The following NME7 variants were observed in gnomAD, a reference collection of about 807,000 sequenced individuals.
The protein encoded by NME7 is nucleoside diphosphate kinase 7.
Under a neutral mutation model 49.1 loss-of-function variants are expected in NME7, and 41 were observed. That is an observed-to-expected ratio of 0.83 (90% CI 0.65 to 1.08). NME7 has a LOEUF of 1.08. Among genes scored for constraint, NME7 ranks in the 50% least tolerant of loss-of-function variants. The pLI, the probability that NME7 is intolerant of heterozygous loss-of-function variation, is 0.00. For synonymous variants in NME7, 139 were observed against 150.6 expected (o/e 0.92, Z 0.56); for missense variants, 423 against 463.4 (o/e 0.91, Z 0.80).
chr1:169,147,962 T>C (rs1030575097), intron 11 of NME7, among the ~76,000 whole-genome samples: 3 of 152,020 alleles, frequency 2.0e-5, no homozygotes, highest in Admixed American at 6.6e-5. Flanking sequence ...TTGAAAGAAA[T>C]AATTTCAATT....
intron 1 of NME7, among the ~76,000 whole-genome samples, chr1:169,332,154 G>C (rs569326335): frequency 3.9e-5 from 6 of 152,034 alleles, no homozygotes; most frequent in African/African-American, 1.4e-4. Context: ...AGAGAACCCA[G>C]AAAAAATCCA....
At chr1:169,262,705 A>AG (rs1649202295) in intron 7 of NME7, among the ~76,000 whole-genome samples, 1 of 133,600 alleles carries the variant, frequency 7.5e-6, no homozygotes, top group Admixed American at 7.3e-5. Context: ...GACAGCCCCC[A>AG]GGGGGACTCA....
chr1:169,182,619 C>G (rs970510827), intron 10 of NME7, among the ~76,000 whole-genome samples: 1 of 152,220 alleles, frequency 6.6e-6, no homozygotes, highest in Non-Finnish European at 1.5e-5. Flanking sequence ...GGTCTGCTAA[C>G]AGGCTGCATT....
At chr1:169,150,649 A>T (rs1280110214) in intron 11 of NME7, among the ~76,000 whole-genome samples, 1 of 152,122 alleles carries the variant, frequency 6.6e-6, no homozygotes, top group East Asian at 1.9e-4. Flanking sequence ...TCTATTAACC[A>T]GCTAACTTTT....
chr1:169,222,007 TC>T (rs1460082213), intron 10 of NME7, among the ~76,000 whole-genome samples: 1 of 152,020 alleles, frequency 6.6e-6, no homozygotes, highest in Non-Finnish European at 1.5e-5. Flanking sequence ...CAAACAATCC[TC>T]CCACCTCAAC....
intron 10 of NME7, among the ~76,000 whole-genome samples, chr1:169,176,338 T>C (rs950512683): frequency 6.6e-6 from 1 of 152,146 alleles, no homozygotes. Context: ...TATATAATAC[T>C]AATCTCATTG....
intron 7 of NME7, among the ~76,000 whole-genome samples, chr1:169,269,421 A>C (rs74121604): frequency 0.026 from 3,491 of 134,284 alleles, 504 homozygotes; most frequent in African/African-American, 0.084. Flanking sequence ...ATTTTTGTTA[A>C]AACTGAGTTA....
chr1:169,169,140 C>A, intron 11 of NME7: 2 of 401,022 alleles, frequency 5.0e-6, no homozygotes, highest in South Asian at 2.1e-5. Context: ...AGTTGCAGTC[C>A]AAAATCATCA....
intron 3 of NME7, among the ~76,000 whole-genome samples, chr1:169,318,488 T>C (rs10919136): frequency 0.17 from 26,111 of 152,140 alleles, 2,465 homozygotes; most frequent in East Asian, 0.23. Flanking sequence ...ATAAAATACA[T>C]ATGGAACTCA....
chr1:169,170,399 C>T (rs994887094), intron 10 of NME7, among the ~76,000 whole-genome samples: 1 of 152,192 alleles, frequency 6.6e-6, no homozygotes, highest in Admixed American at 6.5e-5. Flanking sequence ...GCAGCACTCA[C>T]ATTTGTGGTT....
chr1:169,278,705 A>T (rs1273551780), intron 7 of NME7, among the ~76,000 whole-genome samples: 1 of 152,160 alleles, frequency 6.6e-6, no homozygotes, highest in Non-Finnish European at 1.5e-5. Context: ...TTCTCCATCC[A>T]GCTTTGTTCC....
Position 169,261,705 on chromosome 1 carries a change from C to A in NME7, c.755-24018G>T, listed in dbSNP as rs1279053947. On this transcript the variant is annotated intron_variant, in intron 7 of 11. Coordinates refer to ENST00000367811, the MANE Select transcript of NME7 (RefSeq NM_013330.5). ...AAGGAAATGCAAGATGGTCCCTGCC[C>A]AGAATTTCTCATAAGTGGCTCTTGT... is the stretch of plus-strand genomic sequence containing the variant. Among the ~76,000 whole-genome samples the A allele has an allele frequency of 1.5e-5, 2 of 133,668 alleles. 1 individual carries two copies. The highest frequency in any genetic ancestry group is 3.5e-5 in the Non-Finnish European group (2 of 56,922). 87.7% of individuals were successfully genotyped at this position (133,668 alleles called of 152,430 possible).
rs767982223 is a variant in NME7, at chr1:169,298,543, T to A, written c.648+13A>T. The A allele has an allele frequency of 5.6e-6, 9 of 1,609,434 alleles. No individual in the cohort carries two copies. The highest frequency in any genetic ancestry group is 6.8e-6 in the Non-Finnish European group (8 of 1,178,422). ...AACTAGAAGAGCATTAAAATATTTTTAAAACACCTTACTCTGGCCGCAGAA... is the reference window on the plus strand; with the variant it reads ...AACTAGAAGAGCATTAAAATATTTTAAAAACACCTTACTCTGGCCGCAGAA... On this transcript the variant is annotated intron_variant, in intron 6 of 11. Coordinates refer to ENST00000367811, the MANE Select transcript of NME7 (RefSeq NM_013330.5).
At chr1:169,244,097 T>C (rs902103878) in intron 7 of NME7, among the ~76,000 whole-genome samples, 2 of 152,124 alleles carry the variant, frequency 1.3e-5, no homozygotes, top group Non-Finnish European at 2.9e-5. Context: ...GAAACATCTG[T>C]TTGATCTTCT....
rs1488246147 is a variant in NME7, at chr1:169,277,815, C to T, written c.754+9488G>A. 6.9e-3 allele frequency among the ~76,000 whole-genome samples: 905 copies of T among 131,392 alleles called. 14 individuals carry two copies. The highest frequency in any genetic ancestry group is 0.018 in the Middle Eastern group (5 of 272). The allele number at this position is 131,392 out of a possible 152,430, so 86.2% of individuals were successfully genotyped here. A position where few individuals can be genotyped will look rare whatever the true frequency, so the allele number is the denominator to read the frequency against. ...TTTACATTTTGGCATGATTTTGCAG[C>T]GGCTGGTACCAGTTGTTCCTTTCCA... On this transcript the variant is annotated intron_variant, in intron 7 of 11. Coordinates refer to ENST00000367811, the MANE Select transcript of NME7 (RefSeq NM_013330.5).
intron 7 of NME7, among the ~76,000 whole-genome samples, chr1:169,244,684 ATTC>A (rs1410755014): frequency 6.6e-6 from 1 of 151,816 alleles, no homozygotes; most frequent in Non-Finnish European, 1.5e-5. Flanking sequence ...GATGCATAGT[ATTC>A]TTCAAAATTC....
At position 169,266,678 on chromosome 1, in the gene NME7, C is replaced by G. The variant is rs571838030; in HGVS notation, c.754+20625G>C. Among the ~76,000 whole-genome samples, 10 of 133,652 alleles carry G rather than the reference C, an allele frequency of 7.5e-5. 3 individuals are homozygous for G. The South Asian group carries it at 2.3e-3, about 31-fold the overall frequency. The allele number at this position is 133,652 out of a possible 152,430, so 87.7% of individuals were successfully genotyped here. On this transcript the variant is annotated intron_variant, in intron 7 of 11. Coordinates refer to ENST00000367811, the MANE Select transcript of NME7 (RefSeq NM_013330.5). ...TCAACCTATCCCTGTTTGAAGATGA[C>G]ATGATTCTATATCTAAAAAACCTCA...
At position 169,338,383 on chromosome 1, in the gene NME7, A is replaced by T. The variant is rs1018371296; in HGVS notation, c.4-13883T>A. The stretch of plus-strand genomic sequence containing the variant: ...AAACACCTGTATTTCCCCAACTGTG[A>T]TGTTTAAGATGCACTTTCAACTTAA... On this transcript the variant is annotated intron_variant, in intron 1 of 11. Coordinates refer to ENST00000367811, the MANE Select transcript of NME7 (RefSeq NM_013330.5). 7.9e-5 allele frequency among the ~76,000 whole-genome samples: 12 copies of T among 152,230 alleles called. 1 individual carries two copies. Among genetic ancestry groups the T allele is most frequent in the African/African-American group, 2.7e-4 (11 of 41,460 alleles).
intron 11 of NME7, among the ~76,000 whole-genome samples, chr1:169,148,831 A>G (rs923922335): frequency 8.5e-5 from 13 of 152,338 alleles, no homozygotes; most frequent in African/African-American, 2.9e-4. Context: ...CACAAAAGTC[A>G]CAGGTTAAAA....
Sources: allele counts gnomAD v4.1 joint callset (sites outside exome capture counted in the v4.1 genomes callset), GRCh38; gene constraint gnomAD v4.1.1; transcripts MANE v1.5; gene names NCBI Gene and HGNC (gene_info 2026-07-23, HGNC 2026-07-21).